LY75: variants seen among roughly 807,000 people sequenced by gnomAD.
LY75 encodes lymphocyte antigen 75, also known as C-type lectin domain family 13 member B.
A neutral mutation model predicts 231.7 loss-of-function variants in LY75; 185 were observed. The ratio of observed to expected loss-of-function variants is 0.80; its 90% CI spans 0.71 to 0.90. The LOEUF is 0.90. Ranked by LOEUF, LY75 falls within the 40% of genes least tolerant of loss-of-function variation. LY75 has a pLI of 0.00. For missense variants in LY75, 1,947 were observed against 2,050.2 expected, an observed-to-expected ratio of 0.95 and a Z score of 0.97; for synonymous variants, 668 against 689.0, an observed-to-expected ratio of 0.97 and a Z score of 0.48.
chr2:159,818,685 T>C (rs1212210351), intron 29 of LY75, among the ~76,000 whole-genome samples: 2 of 152,214 alleles, frequency 1.3e-5, no homozygotes, highest in East Asian at 3.8e-4. Context: ...CATACTAAAG[T>C]AATATGCCAA....
At chr2:159,883,417 G>T (rs1044902164) in intron 6 of LY75, among the ~76,000 whole-genome samples, 1 of 151,866 alleles carries the variant, frequency 6.6e-6, no homozygotes, top group Non-Finnish European at 1.5e-5. Context: ...ATGTATTATT[G>T]TTATATTTTA....
At chr2:159,862,164 T>C (rs984943770) in intron 14 of LY75, among the ~76,000 whole-genome samples, 9 of 151,874 alleles carry the variant, frequency 5.9e-5, no homozygotes, top group Admixed American at 2.0e-4. Context: ...TGGTGGCACA[T>C]GCCTGAAGTC....
At chr2:159,851,525 G>A (rs1684402375) in intron 21 of LY75, among the ~76,000 whole-genome samples, 1 of 152,142 alleles carries the variant, frequency 6.6e-6, no homozygotes, top group Non-Finnish European at 1.5e-5. Flanking sequence ...GCCTGATTTT[G>A]AAGACTTCAT....
intron 14 of LY75, among the ~76,000 whole-genome samples, chr2:159,861,461 C>A (rs920160600): frequency 6.6e-6 from 1 of 152,152 alleles, no homozygotes; most frequent in East Asian, 1.9e-4. Context: ...AATAAGGATA[C>A]TTTTGGCCAG....
At position 159,881,205 on chromosome 2, in the gene LY75, T is replaced by C. The variant is rs1685425348; in HGVS notation, c.1282A>G (p.Ile428Val). The change falls in exon 8 of 35, where the codon ATA (isoleucine) becomes GTA (valine). Residue 428 changes from isoleucine (I) to valine (V), a missense_variant. Ile to Val is a conservative substitution (Grantham distance 29). Coordinates refer to ENST00000263636, the MANE Select transcript of LY75 (RefSeq NM_002349.4). ...CACTGAAATAAAGTTGGTATGTTTATGTTCTTAAGGCCTATCCACACTTCT... is the reference window on the plus strand; with the variant it reads ...CACTGAAATAAAGTTGGTATGTTTACGTTCTTAAGGCCTATCCACACTTCT... Reference protein sequence around the residue: ...KEEVWIGLKNINIPTLFQWSD... With the variant: ...KEEVWIGLKNVNIPTLFQWSD... 6.2e-7 allele frequency: 1 copy of C among 1,613,750 alleles called. No homozygotes were observed. Among genetic ancestry groups the C allele is most frequent in the Non-Finnish European group, 8.5e-7 (1 of 1,179,858 alleles).
chr2:159,900,992 C>T (rs1442123979), intron 1 of LY75, among the ~76,000 whole-genome samples: 1 of 152,140 alleles, frequency 6.6e-6, no homozygotes, highest in Non-Finnish European at 1.5e-5. Context: ...GTGCCTGCCA[C>T]CACACCCGGG....
chr2:159,842,037 A>T (rs558977267), intron 24 of LY75, among the ~76,000 whole-genome samples: 7,099 of 151,994 alleles, frequency 0.047, 506 homozygotes, highest in African/African-American at 0.15. Flanking sequence ...AGTATTAAAA[A>T]ATTTTTTCGG....
intron 12 of LY75, among the ~76,000 whole-genome samples, chr2:159,874,976 ATT>A (rs201952617): frequency 0.057 from 7,834 of 137,958 alleles, 332 homozygotes; most frequent in Non-Finnish European, 0.089. Context: ...TAATATATAT[ATT>A]GTAAATATGT....
In LY75 at chr2:159,835,642, C is replaced by T. The variant is rs1448188390; in HGVS notation, c.3511G>A (p.Glu1171Lys). 11 of 1,613,042 alleles carry T rather than the reference C, an allele frequency of 6.8e-6. No homozygotes were observed. The African/African-American group carries it at 1.3e-4, about 20-fold the overall frequency. Reference protein sequence around the residue: ...LWIGLFSQDDELNFGWSDGKR... With the variant: ...LWIGLFSQDDKLNFGWSDGKR... Reference sequence around the variant, plus strand: ...CCATCTGACCAACCAAAGTTGAGTTCATCCTGTAAGGAGCAGAAGTACATT... The same window carrying T: ...CCATCTGACCAACCAAAGTTGAGTTTATCCTGTAAGGAGCAGAAGTACATT... The change falls in exon 26 of 35, where the codon GAA becomes AAA. Residue 1171 changes from glutamate to lysine, a missense_variant. Physicochemically the swap from Glu to Lys is moderately conservative, Grantham distance 56. Transcript: ENST00000263636.
chr2:159,884,765 A>C (rs1312281820), intron 6 of LY75, among the ~76,000 whole-genome samples: 2 of 152,104 alleles, frequency 1.3e-5, no homozygotes, highest in Non-Finnish European at 2.9e-5. Flanking sequence ...TGATGTAGCA[A>C]ATCTGGGGTG....
At chr2:159,819,571 G>C (rs1683224572) in intron 29 of LY75, among the ~76,000 whole-genome samples, 155 bp downstream of exon 29, 1 of 152,088 alleles carries the variant, frequency 6.6e-6, no homozygotes, top group Admixed American at 6.6e-5. Flanking sequence ...TGACAGCAGG[G>C]CCCGTATCTT....
At chr2:159,868,841 G>C (rs1042309591) in intron 13 of LY75, among the ~76,000 whole-genome samples, 5 of 152,100 alleles carry the variant, frequency 3.3e-5, no homozygotes, top group Admixed American at 6.6e-5. Context: ...ATATGATATT[G>C]TGTGTGTCAA....
At chr2:159,893,786 A>G (rs1362381719) in intron 3 of LY75, 128 bp downstream of exon 3, 13 of 1,342,054 alleles carry the variant, frequency 9.7e-6, no homozygotes, top group African/African-American at 1.5e-5. Context: ...TTCTCCTCCA[A>G]ACATACACTT....
chr2:159,827,202 T>G (rs1056857790), intron 28 of LY75, among the ~76,000 whole-genome samples: 4 of 152,200 alleles, frequency 2.6e-5, no homozygotes, highest in African/African-American at 9.6e-5. Context: ...ATTTTTGCAG[T>G]CTATCCATTT....
chr2:159,852,422 G>GTT (rs72158678), intron 20 of LY75, 82 bp from the exon 21 acceptor site: 432 of 1,324,958 alleles, frequency 3.3e-4, no homozygotes, highest in South Asian at 2.0e-3. Flanking sequence ...GTTTTTTTTT[G>GTT]TTTTTTTTTT....
intron 33 of LY75, 56 bp downstream of exon 33, chr2:159,808,393 A>G: frequency 6.2e-7 from 1 of 1,611,668 alleles, no homozygotes; most frequent in Non-Finnish European, 8.5e-7. Flanking sequence ...ACGACTTGTT[A>G]TTTAGGATGA....
chr2:159,810,175 A>C (rs1482726242), intron 32 of LY75, among the ~76,000 whole-genome samples: 6 of 152,100 alleles, frequency 3.9e-5, no homozygotes, highest in Non-Finnish European at 7.4e-5. Flanking sequence ...CTGGGACTAC[A>C]GGTGTGTGCG....
At position 159,904,648 on chromosome 2, in the gene LY75, G is replaced by A. The variant is rs774677648; in HGVS notation, c.35C>T (p.Ala12Val). ...RTGWATPRRPAGLLMLLFWFF... is the reference protein window; with the variant it reads ...RTGWATPRRPVGLLMLLFWFF... ...CCAGAAGAGCAGCATGAGGAGCCCC[G>A]CCGGGCGGCGAGGGGTCGCCCAGCC... The change falls in exon 1 of 35, where the codon GCG becomes GTG. Residue 12 changes from alanine (A) to valine (V), a missense_variant. Physicochemically the swap from Ala to Val is moderately conservative, Grantham distance 64. Coordinates refer to ENST00000263636, the MANE Select transcript of LY75 (RefSeq NM_002349.4). 3 of 1,493,136 alleles carry A rather than the reference G, an allele frequency of 2.0e-6. No individual in the cohort carries two copies. The highest frequency in any genetic ancestry group is 2.7e-6 in the Non-Finnish European group (3 of 1,124,168). The allele number at this position is 1,493,136 out of a possible 1,614,324, so 92.5% of individuals were successfully genotyped here.
chr2:159,831,897 C>G, intron 27 of LY75, 111 bp from the exon 28 acceptor site: 2 of 778,386 alleles, frequency 2.6e-6, no homozygotes, highest in Non-Finnish European at 3.9e-6. Flanking sequence ...AAAATATAAA[C>G]AATATTGGAC....
Sources: gnomAD v4.1 joint callset for allele counts (sites outside exome capture counted in the v4.1 genomes callset) on GRCh38, gnomAD v4.1.1 for gene constraint, MANE v1.5 for transcripts, NCBI Gene and HGNC (gene_info 2026-07-23, HGNC 2026-07-21) for gene names.